The following PTPRD variants were observed in gnomAD, a reference collection of about 807,000 sequenced individuals.
PTPRD encodes protein tyrosine phosphatase receptor type D.
Under a neutral mutation model 214.5 loss-of-function variants are expected in PTPRD, and 34 were observed. The observed-to-expected ratio is 0.16, with a 90% CI of 0.12 to 0.21. The LOEUF is 0.21. Among genes scored for constraint, PTPRD ranks in the 10% least tolerant of loss-of-function variants. The pLI, the probability that PTPRD is intolerant of heterozygous loss-of-function variation, is 1.00. For missense variants in PTPRD, 2,545 were observed against 2,398.7 expected (o/e 1.06, Z -1.27); for synonymous variants, 1,128 against 845.7 (o/e 1.33, Z -5.79).
chr9:9,010,615 C>G (rs1567573341), intron 11 of PTPRD, among the ~76,000 whole-genome samples: 1 of 152,100 alleles, frequency 6.6e-6, no homozygotes, highest in Non-Finnish European at 1.5e-5. Flanking sequence ...ACTGAGTGGC[C>G]CTCTTCAACA....
intron 8 of PTPRD, among the ~76,000 whole-genome samples, chr9:9,418,314 C>T (rs1245731646): frequency 6.6e-6 from 1 of 151,978 alleles, no homozygotes; most frequent in Non-Finnish European, 1.5e-5. Context: ...TTTCTTATGT[C>T]TAAAATGAAT....
At chr9:8,403,277 T>TTTA (rs2092631228) in intron 36 of PTPRD, among the ~76,000 whole-genome samples, 1 of 152,204 alleles carries the variant, frequency 6.6e-6, no homozygotes, top group Non-Finnish European at 1.5e-5. Context: ...ATCTTTCAAC[T>TTTA]ATAAAGTCCT....
chr9:8,875,999 A>G (rs1002189048), intron 11 of PTPRD, among the ~76,000 whole-genome samples: 3 of 152,194 alleles, frequency 2.0e-5, no homozygotes, highest in African/African-American at 4.8e-5. Context: ...GAATTCTTAC[A>G]ACATAGTGTC....
chr9:8,942,221 CT>C (rs2099038512), intron 11 of PTPRD, among the ~76,000 whole-genome samples: 1 of 152,088 alleles, frequency 6.6e-6, no homozygotes, highest in Admixed American at 6.5e-5. Flanking sequence ...TTTTGCCCCC[CT>C]GTCTATCATC....
rs117602115 is a variant in PTPRD at position 8,539,001 on chromosome 9, T to C, written c.353-10222A>G. 2.6e-3 allele frequency among the ~76,000 whole-genome samples: 397 copies of C among 151,952 alleles called. 2 individuals are homozygous for C. The highest frequency in any genetic ancestry group is 5.6e-3 in the African/African-American group (234 of 41,502). ...AAAGAAGACACAACTTATCCTGTTG[T>C]ATAAGAAAATACTCAAAGAATGAAA... On this transcript the variant is annotated intron_variant, in intron 14 of 45. Coordinates refer to ENST00000381196, the MANE Select transcript of PTPRD (RefSeq NM_002839.4).
chr9:9,676,971 T>C (rs189992783), intron 7 of PTPRD, among the ~76,000 whole-genome samples: 1 of 152,140 alleles, frequency 6.6e-6, no homozygotes, highest in Admixed American at 6.5e-5. Context: ...GTTGATGGGG[T>C]TGTTTGTTTT....
intron 4 of PTPRD, among the ~76,000 whole-genome samples, chr9:9,973,114 T>TTCTC (rs112572009): frequency 2.0e-5 from 3 of 150,494 alleles, no homozygotes; most frequent in Non-Finnish European, 4.4e-5. Context: ...GAATAGTCAT[T>TTCTC]TCTCTCTCTC....
chr9:9,839,523 C>G (rs919537581), intron 5 of PTPRD, among the ~76,000 whole-genome samples: 1 of 152,030 alleles, frequency 6.6e-6, no homozygotes, highest in Non-Finnish European at 1.5e-5. Flanking sequence ...TCAAGGAGAA[C>G]TACAAACCAC....
chr9:10,196,323 T>A (rs920936772), intron 3 of PTPRD, among the ~76,000 whole-genome samples: 6 of 152,144 alleles, frequency 3.9e-5, no homozygotes, highest in Non-Finnish European at 7.4e-5. Flanking sequence ...ACCTCACTCA[T>A]AACATTTTCA....
intron 44 of PTPRD, among the ~76,000 whole-genome samples, chr9:8,329,966 G>T (rs556303101): frequency 1.3e-5 from 1 of 77,014 alleles, no homozygotes; most frequent in Non-Finnish European, 2.2e-5. Flanking sequence ...GGAGTGGATC[G>T]TATCTTGCTG....
intron 10 of PTPRD, among the ~76,000 whole-genome samples, chr9:9,115,202 A>G (rs1176276715): frequency 6.6e-6 from 1 of 152,184 alleles, no homozygotes; most frequent in Non-Finnish European, 1.5e-5. Context: ...GGAAGCCTAC[A>G]GGGCAGGGAA....
intron 14 of PTPRD, among the ~76,000 whole-genome samples, chr9:8,552,849 A>T (rs1039968230): frequency 2.6e-5 from 4 of 152,204 alleles, no homozygotes; most frequent in African/African-American, 9.7e-5. Flanking sequence ...TTGGCAAGTC[A>T]CTAGCACTGG....
chr9:10,259,977 C>G (rs770948279), intron 3 of PTPRD, among the ~76,000 whole-genome samples: 1 of 152,182 alleles, frequency 6.6e-6, no homozygotes, highest in African/African-American at 2.4e-5. Context: ...GAGCTGAGTT[C>G]ATCTCAGGTT....
chr9:9,307,714 C>T (rs1957568124), intron 9 of PTPRD, among the ~76,000 whole-genome samples: 1 of 152,156 alleles, frequency 6.6e-6, no homozygotes, highest in Admixed American at 6.6e-5. Flanking sequence ...GCTGAAAATC[C>T]TTCAGTAACT....
chr9:9,400,937 A>G (rs898840208), intron 8 of PTPRD, among the ~76,000 whole-genome samples: 3 of 152,084 alleles, frequency 2.0e-5, no homozygotes, highest in Admixed American at 6.6e-5. Context: ...TCTATTTTCT[A>G]TAAAAGAATC....
intron 14 of PTPRD, among the ~76,000 whole-genome samples, chr9:8,608,275 C>T (rs573757431): frequency 1.3e-5 from 2 of 152,180 alleles, no homozygotes; most frequent in East Asian, 3.9e-4. Flanking sequence ...TGATCCAGTT[C>T]AGCTGTCATG....
chr9:9,691,182 C>T (rs557124430), intron 7 of PTPRD, among the ~76,000 whole-genome samples: 1 of 151,952 alleles, frequency 6.6e-6, no homozygotes, highest in African/African-American at 2.4e-5. Context: ...GTTAAATATA[C>T]AATTAGATTA....
chr9:8,709,160 G>C (rs1010240042), intron 12 of PTPRD, among the ~76,000 whole-genome samples: 3 of 152,060 alleles, frequency 2.0e-5, no homozygotes, highest in African/African-American at 7.2e-5. Flanking sequence ...AGAGGAATAA[G>C]TTCAACAGAT....
intron 9 of PTPRD, among the ~76,000 whole-genome samples, chr9:9,226,737 A>G (rs1418376304): frequency 6.6e-6 from 1 of 152,084 alleles, no homozygotes; most frequent in African/African-American, 2.4e-5. Context: ...CATTTAAACT[A>G]TAAGCTGCAT....
Sources: gnomAD v4.1 joint callset for allele counts (sites outside exome capture counted in the v4.1 genomes callset) on GRCh38, gnomAD v4.1.1 for gene constraint, MANE v1.5 for transcripts, NCBI Gene and HGNC (gene_info 2026-07-23, HGNC 2026-07-21) for gene names.